The following MEGF10 variants were observed in gnomAD, a reference collection of about 807,000 sequenced individuals.
MEGF10 encodes multiple EGF like domains 10, also known as multiple epidermal growth factor-like domains protein 10.
Under a neutral mutation model 147.5 loss-of-function variants are expected in MEGF10, and 86 were observed. The observed-to-expected ratio is 0.58, with a 90% CI of 0.49 to 0.70. The LOEUF is 0.70. MEGF10 is among the 30% of genes least tolerant of loss of function. MEGF10 has a pLI of 0.00. For synonymous variants in MEGF10, 478 were observed against 525.5 expected (o/e 0.91, Z 1.24); for missense variants, 1,329 against 1,487.3 (o/e 0.89, Z 1.75).
At chr5:127,376,304 G>T (rs1039087904) in intron 5 of MEGF10, among the ~76,000 whole-genome samples, 7 of 152,182 alleles carry the variant, frequency 4.6e-5, no homozygotes, top group African/African-American at 1.7e-4. Flanking sequence ...AGACTCAGAA[G>T]CTGAGAAGAT....
the MEGF10 span, among the ~76,000 whole-genome samples, chr5:127,246,339 C>T: frequency 6.6e-6 from 1 of 151,270 alleles, no homozygotes; most frequent in South Asian, 2.1e-4. Flanking sequence ...CCATTCTCAG[C>T]AAACTAACAC....
intron 4 of MEGF10, among the ~76,000 whole-genome samples, chr5:127,359,397 A>G (rs1398274770): frequency 3.9e-5 from 6 of 152,052 alleles, no homozygotes; most frequent in African/African-American, 9.7e-5. Flanking sequence ...TTGACATACA[A>G]TAAGCTGCAC....
intron 1 of MEGF10, among the ~76,000 whole-genome samples, chr5:127,295,031 C>T (rs893865437): frequency 6.6e-6 from 1 of 151,972 alleles, no homozygotes; most frequent in Non-Finnish European, 1.5e-5. Flanking sequence ...AGTGCCAATG[C>T]CAATAAAAAC....
the MEGF10 span, among the ~76,000 whole-genome samples, chr5:127,237,447 A>G: frequency 6.6e-6 from 1 of 152,168 alleles, no homozygotes. Context: ...AGCTGAGATC[A>G]CACCACTGCA....
chr5:127,234,073 G>A, the MEGF10 span, among the ~76,000 whole-genome samples: 1 of 152,228 alleles, frequency 6.6e-6, no homozygotes, highest in East Asian at 1.9e-4. Context: ...ACATCTGGAA[G>A]CAGAGTCAGG....
At position 127,457,740 on chromosome 5, in the gene MEGF10, T is replaced by C. The variant is rs1195843527; in HGVS notation, c.*422T>C. 1.3e-5 allele frequency: 2 copies of C among 158,560 alleles called. No homozygotes were observed. The highest frequency in any genetic ancestry group is 4.8e-5 in the African/African-American group (2 of 41,574). The allele number at this position is 158,560 out of a possible 1,614,324, so 9.8% of individuals were successfully genotyped here. A position where few individuals can be genotyped will look rare whatever the true frequency, so the allele number is the denominator to read the frequency against. On this transcript the variant is annotated 3_prime_UTR_variant, in exon 25 of 25. Transcript: ENST00000503335. ...ACAGTTTACCATAAAATTTACTTCA[T>C]GAAAGTGGGAATCACTGAACATGTA...
chr5:127,403,546 ATT>A (rs538631749), intron 8 of MEGF10, among the ~76,000 whole-genome samples: 1 of 151,790 alleles, frequency 6.6e-6, no homozygotes, highest in Non-Finnish European at 1.5e-5. Flanking sequence ...ATTCTTTCTA[ATT>A]TTTTTTGTAC....
chr5:127,260,851 G>A, the MEGF10 span, among the ~76,000 whole-genome samples: 6 of 152,168 alleles, frequency 3.9e-5, no homozygotes, highest in Non-Finnish European at 7.4e-5. Flanking sequence ...AGGAACTTTA[G>A]GAAGATGCTA....
At chr5:127,244,000 C>T in the MEGF10 span, among the ~76,000 whole-genome samples, 1 of 151,484 alleles carries the variant, frequency 6.6e-6, no homozygotes, top group Admixed American at 6.6e-5. Context: ...AGTTCAAGAC[C>T]AGCCTGACTA....
Position 127,457,020 on chromosome 5 carries a change from T to C in MEGF10, c.3233-108T>C, listed in dbSNP as rs1766384114. 11 of 1,125,792 alleles carry C rather than the reference T, an allele frequency of 9.8e-6. No homozygotes were observed. The East Asian group carries it at 2.6e-4, about 27-fold the overall frequency. The allele number at this position is 1,125,792 out of a possible 1,614,324, so 69.7% of individuals were successfully genotyped here. On this transcript the variant is annotated intron_variant, in intron 24 of 24. Transcript: ENST00000503335. ...TGTTTTTAAAACCAGCATTTCCTTA[T>C]ATTTTTTTAAAAGTCCCTTTGGTGT...
chr5:127,369,704 G>A (rs193146752), intron 4 of MEGF10, among the ~76,000 whole-genome samples: 1 of 152,128 alleles, frequency 6.6e-6, no homozygotes, highest in Non-Finnish European at 1.5e-5. Context: ...GAAATGATGG[G>A]ATTTATTTGG....
chr5:127,417,137 A>G (rs1764806871), intron 9 of MEGF10, among the ~76,000 whole-genome samples: 1 of 152,228 alleles, frequency 6.6e-6, no homozygotes, highest in Non-Finnish European at 1.5e-5. Flanking sequence ...TTTGCTATGG[A>G]GCAACAGCTG....
chr5:127,407,810 A>T (rs1296625131), intron 8 of MEGF10, among the ~76,000 whole-genome samples: 1 of 152,192 alleles, frequency 6.6e-6, no homozygotes, highest in African/African-American at 2.4e-5. Flanking sequence ...GACAGGCATC[A>T]GCTATTTCAT....
At chr5:127,422,319 G>A (rs984864327) in intron 12 of MEGF10, among the ~76,000 whole-genome samples, 3 of 151,984 alleles carry the variant, frequency 2.0e-5, no homozygotes, top group Admixed American at 6.6e-5. Context: ...TCAGGAGTTC[G>A]AGACCAGCCT....
intron 14 of MEGF10, 59 bp from the exon 15 acceptor site, chr5:127,434,628 T>C (rs1765495495): frequency 6.6e-7 from 1 of 1,521,936 alleles, no homozygotes; most frequent in Admixed American, 2.1e-5. Context: ...GATCCCGATC[T>C]GGAATGCGAG....
intron 4 of MEGF10, among the ~76,000 whole-genome samples, chr5:127,357,219 T>C (rs1320296703): frequency 1.3e-5 from 2 of 152,220 alleles, no homozygotes; most frequent in East Asian, 3.8e-4. Context: ...CGTATTTTAC[T>C]GCCTCATTGA....
At chr5:127,425,501 T>C (rs1044643276) in intron 13 of MEGF10, among the ~76,000 whole-genome samples, 2 of 152,160 alleles carry the variant, frequency 1.3e-5, no homozygotes, top group Non-Finnish European at 2.9e-5. Context: ...TATCTAAGCC[T>C]GCTGTGAGGT....
intron 4 of MEGF10, among the ~76,000 whole-genome samples, chr5:127,341,925 T>G (rs969838577): frequency 5.9e-5 from 9 of 152,158 alleles, no homozygotes; most frequent in African/African-American, 2.2e-4. Context: ...ATATCCTTCA[T>G]TAAGTAAAGA....
chr5:127,439,062 A>T (rs1378569821), intron 17 of MEGF10, among the ~76,000 whole-genome samples: 2 of 152,242 alleles, frequency 1.3e-5, no homozygotes, highest in Non-Finnish European at 2.9e-5. Context: ...GGAAGCAGCG[A>T]GTCTGGGCTG....
Sources: allele counts gnomAD v4.1 joint callset (sites outside exome capture counted in the v4.1 genomes callset), GRCh38; gene constraint gnomAD v4.1.1; transcripts MANE v1.5; gene names NCBI Gene and HGNC (gene_info 2026-07-23, HGNC 2026-07-21).